The following NCKAP5 variants were observed in gnomAD, a reference collection of about 807,000 sequenced individuals.
NCKAP5 encodes the protein nck-associated protein 5.
A neutral mutation model predicts 167.0 loss-of-function variants in NCKAP5; 92 were observed. The observed-to-expected ratio is 0.55, with a 90% CI of 0.47 to 0.66. The LOEUF is 0.66. Ranked by LOEUF, NCKAP5 falls within the 30% of genes least tolerant of loss-of-function variation. The probability of loss-of-function intolerance (pLI) is 0.00; values close to 1 mark genes in which losing one functional copy is unlikely to be tolerated. For synonymous variants in NCKAP5, 891 were observed against 877.4 expected (o/e 1.02, Z -0.27); for missense variants, 2,378 against 2,315.0 (o/e 1.03, Z -0.56).
intron 5 of NCKAP5, among the ~76,000 whole-genome samples, chr2:133,152,931 G>A (rs140678493): frequency 6.6e-6 from 1 of 152,328 alleles, no homozygotes; most frequent in African/African-American, 2.4e-5. Flanking sequence ...TAGCCTAGGT[G>A]TATAGTGGAG....
chr2:132,718,608 T>G (rs1689605162), intron 19 of NCKAP5, among the ~76,000 whole-genome samples: 1 of 152,180 alleles, frequency 6.6e-6, no homozygotes, highest in African/African-American at 2.4e-5. Context: ...ACAAATGGAT[T>G]CATCATTTTT....
chr2:133,016,812 C>T (rs1056310238), intron 6 of NCKAP5, among the ~76,000 whole-genome samples: 1 of 151,984 alleles, frequency 6.6e-6, no homozygotes, highest in South Asian at 2.1e-4. Context: ...TGTCAGCTTT[C>T]CTCACTAAAA....
intron 3 of NCKAP5, among the ~76,000 whole-genome samples, chr2:133,395,203 G>A (rs1687660112): frequency 6.6e-6 from 1 of 152,210 alleles, no homozygotes; most frequent in Admixed American, 6.5e-5. Context: ...CAGCCTCCCA[G>A]CTTCTGTGCT....
intron 6 of NCKAP5, among the ~76,000 whole-genome samples, chr2:133,068,263 C>G (rs1484350200): frequency 6.6e-6 from 1 of 152,156 alleles, no homozygotes; most frequent in African/African-American, 2.4e-5. Flanking sequence ...TACAAGATCC[C>G]AAGGCTCTAA....
intron 5 of NCKAP5, among the ~76,000 whole-genome samples, chr2:133,212,196 A>T (rs2086238058): frequency 6.6e-6 from 1 of 152,208 alleles, no homozygotes; most frequent in African/African-American, 2.4e-5. Flanking sequence ...GTCGCTGACG[A>T]AGTGGTGAGC....
chr2:133,070,221 G>A (rs1435908491), intron 6 of NCKAP5, among the ~76,000 whole-genome samples: 1 of 152,060 alleles, frequency 6.6e-6, no homozygotes, highest in Non-Finnish European at 1.5e-5. Flanking sequence ...AATAGTATTA[G>A]AATACACAAG....
At chr2:133,555,216 C>A (rs2104983466) in intron 2 of NCKAP5, among the ~76,000 whole-genome samples, 1 of 152,326 alleles carries the variant, frequency 6.6e-6, no homozygotes, top group South Asian at 2.1e-4. Context: ...CTTCCACCGA[C>A]TAACATATTA....
At chr2:133,198,399 G>A (rs572517514) in intron 5 of NCKAP5, among the ~76,000 whole-genome samples, 1 of 152,036 alleles carries the variant, frequency 6.6e-6, no homozygotes, top group South Asian at 2.1e-4. Context: ...ATTGAAAATT[G>A]CCAGAGAAAG....
At chr2:133,541,225 T>G (rs1258072581) in intron 2 of NCKAP5, among the ~76,000 whole-genome samples, 1 of 151,808 alleles carries the variant, frequency 6.6e-6, no homozygotes, top group Non-Finnish European at 1.5e-5. Flanking sequence ...ACTTCATGAA[T>G]TTTTGTCTCA....
chr2:133,154,278 T>A (rs901361596), intron 5 of NCKAP5, among the ~76,000 whole-genome samples: 2 of 152,230 alleles, frequency 1.3e-5, no homozygotes, highest in Non-Finnish European at 2.9e-5. Context: ...TCTAATCACA[T>A]GCTGTGATTA....
At chr2:132,693,144 C>T (rs1240953360) in intron 19 of NCKAP5, among the ~76,000 whole-genome samples, 1 of 152,208 alleles carries the variant, frequency 6.6e-6, no homozygotes, top group Admixed American at 6.5e-5. Flanking sequence ...AAAATTCATT[C>T]ATTTCTCTAT....
At chr2:133,641,990 G>A in the NCKAP5 span, among the ~76,000 whole-genome samples, 79 of 152,240 alleles carry the variant, frequency 5.2e-4, no homozygotes, top group Non-Finnish European at 1.1e-3. Flanking sequence ...GGTTTATTTG[G>A]CTCATGATTT....
chr2:132,747,351 A>G (rs920908491), intron 16 of NCKAP5, among the ~76,000 whole-genome samples: 2 of 152,180 alleles, frequency 1.3e-5, no homozygotes, highest in African/African-American at 2.4e-5. Flanking sequence ...AACAAGACTG[A>G]TGCTATTCCT....
At chr2:133,282,268 T>C (rs1185890728) in intron 4 of NCKAP5, among the ~76,000 whole-genome samples, 1 of 152,194 alleles carries the variant, frequency 6.6e-6, no homozygotes, top group Non-Finnish European at 1.5e-5. Context: ...TTAACTTTTG[T>C]ACCTGCCACC....
intron 7 of NCKAP5, among the ~76,000 whole-genome samples, chr2:132,974,260 A>G (rs1012292657): frequency 6.6e-6 from 1 of 152,230 alleles, no homozygotes; most frequent in African/African-American, 2.4e-5. Context: ...AAATGTAACC[A>G]TGTGTCAAAT....
chr2:132,873,357 C>T (rs1690990650), intron 9 of NCKAP5, among the ~76,000 whole-genome samples: 1 of 152,306 alleles, frequency 6.6e-6, no homozygotes, highest in South Asian at 2.1e-4. Context: ...TCATGATCCG[C>T]CCGCCTCGGC....
chr2:132,742,389 C>T lies in NCKAP5; in HGVS notation c.5129-10338G>A, dbSNP rs565666918. Reference sequence around the variant, plus strand: ...TAAATCAGCTTTATTTGTCAAGAAACATATAAAAACCAGGAAGCATGGGGA... The same window carrying T: ...TAAATCAGCTTTATTTGTCAAGAAATATATAAAAACCAGGAAGCATGGGGA... On this transcript the variant is annotated intron_variant, in intron 16 of 19. Coordinates refer to ENST00000409261, the MANE Select transcript of NCKAP5 (RefSeq NM_207363.3). Among the ~76,000 whole-genome samples the T allele has an allele frequency of 2.0e-5, 3 of 151,968 alleles. No individual in the cohort carries two copies. The South Asian group carries it at 6.2e-4, about 32-fold the overall frequency.
intron 4 of NCKAP5, among the ~76,000 whole-genome samples, chr2:133,240,240 G>GT (rs2087619916): frequency 6.6e-6 from 1 of 152,176 alleles, no homozygotes; most frequent in Non-Finnish European, 1.5e-5. Flanking sequence ...TAATAAAATA[G>GT]TAAGATAAAA....
intron 5 of NCKAP5, among the ~76,000 whole-genome samples, chr2:133,210,723 A>C (rs1244262948): frequency 6.6e-6 from 1 of 152,208 alleles, no homozygotes; most frequent in African/African-American, 2.4e-5. Flanking sequence ...GAGTTTGACT[A>C]TGCAAAGGAA....
Sources: allele counts gnomAD v4.1 joint callset (sites outside exome capture counted in the v4.1 genomes callset), GRCh38; gene constraint gnomAD v4.1.1; transcripts MANE v1.5; gene names NCBI Gene and HGNC (gene_info 2026-07-23, HGNC 2026-07-21).